RAP1B: variants seen among roughly 807,000 people sequenced by gnomAD.
RAP1B encodes ras-related protein Rap-1b.
In RAP1B, 1 loss-of-function variant was observed where a neutral mutation model predicts 27.5. The observed-to-expected ratio is 0.04, with a 90% CI of 0.01 to 0.17. The LOEUF (loss-of-function observed/expected upper bound fraction) is 0.17. Ranked by LOEUF, RAP1B falls within the 10% of genes least tolerant of loss-of-function variation. The probability of loss-of-function intolerance (pLI) is 1.00; values close to 1 mark genes in which losing one functional copy is unlikely to be tolerated. For missense variants in RAP1B, 84 were observed against 214.8 expected, an observed-to-expected ratio of 0.39 and a Z score of 3.81; for synonymous variants, 75 against 73.1, an observed-to-expected ratio of 1.03 and a Z score of -0.13.
intron 1 of RAP1B, among the ~76,000 whole-genome samples, chr12:68,625,549 C>T (rs760084484): frequency 2.0e-5 from 3 of 152,140 alleles, no homozygotes; most frequent in Non-Finnish European, 4.4e-5. Context: ...TATTCTGGTC[C>T]TTAAGTTTCA....
intron 1 of RAP1B, among the ~76,000 whole-genome samples, chr12:68,625,538 A>C (rs914277704): frequency 1.3e-5 from 2 of 152,174 alleles, no homozygotes; most frequent in Non-Finnish European, 2.9e-5. Flanking sequence ...TCCATTAGGA[A>C]TATTCTGGTC....
At chr12:68,619,820 T>G (rs1236530213) in intron 1 of RAP1B, among the ~76,000 whole-genome samples, 1 of 152,190 alleles carries the variant, frequency 6.6e-6, no homozygotes, top group Non-Finnish European at 1.5e-5. Flanking sequence ...TTTAACTTCT[T>G]TGTAGTCTTC....
intron 1 of RAP1B, among the ~76,000 whole-genome samples, chr12:68,617,505 T>C (rs1031156362): frequency 3.3e-5 from 5 of 152,246 alleles, no homozygotes; most frequent in African/African-American, 4.8e-5. Context: ...TTTGTATTTA[T>C]AAGATTGGCT....
chr12:68,627,584 C>T (rs1871898933), intron 1 of RAP1B, among the ~76,000 whole-genome samples: 1 of 152,076 alleles, frequency 6.6e-6, no homozygotes, highest in African/African-American at 2.4e-5. Flanking sequence ...TTTTGTTTTA[C>T]CCACTTTTCG....
At chr12:68,642,401 T>C (rs931748660) in intron 1 of RAP1B, 2 of 517,380 alleles carry the variant, frequency 3.9e-6, no homozygotes, top group African/African-American at 1.9e-5. Context: ...ATGAGAGATA[T>C]TGGCTAATTT....
intron 1 of RAP1B, among the ~76,000 whole-genome samples, chr12:68,613,458 C>T (rs964215628): frequency 6.6e-6 from 1 of 151,882 alleles, no homozygotes; most frequent in Admixed American, 6.6e-5. Context: ...TCCCCTCACC[C>T]ACGACCGCGT....
chr12:68,649,237 C>T (rs745915645), intron 2 of RAP1B: 7 of 156,024 alleles, frequency 4.5e-5, no homozygotes, highest in Non-Finnish European at 7.1e-5. Flanking sequence ...GTAGAGATGG[C>T]GTCTTGCTAT....
At chr12:68,642,170 A>G (rs907447197) in intron 1 of RAP1B, among the ~76,000 whole-genome samples, 2 of 152,240 alleles carry the variant, frequency 1.3e-5, no homozygotes, top group African/African-American at 4.8e-5. Flanking sequence ...TAACTCATAC[A>G]TAGGCATATT....
chr12:68,653,018 C>T (rs921179082), intron 4 of RAP1B, among the ~76,000 whole-genome samples: 2 of 152,030 alleles, frequency 1.3e-5, no homozygotes, highest in Admixed American at 1.3e-4. Flanking sequence ...CAAGACCAGC[C>T]TGGCTAACAT....
chr12:68,655,781 C>G (rs896036648), intron 5 of RAP1B, among the ~76,000 whole-genome samples: 1 of 152,184 alleles, frequency 6.6e-6, no homozygotes, highest in African/African-American at 2.4e-5. Context: ...GGTGATCCAC[C>G]CGCCTCGGCC....
At chr12:68,630,972 T>C (rs541248990) in intron 1 of RAP1B, among the ~76,000 whole-genome samples, 1 of 152,290 alleles carries the variant, frequency 6.6e-6, no homozygotes, top group South Asian at 2.1e-4. Context: ...GAAGTACTTT[T>C]TTGAGGGAAA....
chr12:68,654,074 CATT>C (rs770567734), intron 4 of RAP1B, 35 bp from the exon 5 acceptor site: 16 of 1,519,232 alleles, frequency 1.1e-5, no homozygotes, highest in South Asian at 6.9e-5. Flanking sequence ...ACTGTCAAAA[CATT>C]ATTGTTTTTT....
Position 68,650,380 on chromosome 12 carries a change from TTTC to T in RAP1B, c.58-17_58-15del, listed in dbSNP as rs1873731042. On this transcript the variant is annotated splice_polypyrimidine_tract_variant and intron_variant, in intron 2 of 7. Transcript: ENST00000250559. ...ACTCTTTTCTTTAGAAGTATAATGG[TTTC>T]TTAATTTTTTTTTCAGACTGTACAA... is the stretch of plus-strand genomic sequence containing the variant. The T allele has an allele frequency of 1.3e-6, 2 of 1,525,776 alleles. No homozygotes were observed. Among genetic ancestry groups the T allele is most frequent in the South Asian group, 1.2e-5 (1 of 80,968 alleles). 94.5% of individuals were successfully genotyped at this position (1,525,776 alleles called of 1,614,324 possible). A position where few individuals can be genotyped will look rare whatever the true frequency, so the allele number is the denominator to read the frequency against.
chr12:68,642,739 A>G (rs1256550413), intron 1 of RAP1B: 18 of 1,072,780 alleles, frequency 1.7e-5, no homozygotes, highest in East Asian at 2.4e-5. Flanking sequence ...CCTGCGCAGT[A>G]TATTTATCCT....
chr12:68,642,445 T>A, intron 1 of RAP1B: 4 of 706,368 alleles, frequency 5.7e-6, no homozygotes, highest in Non-Finnish European at 9.7e-6. Flanking sequence ...ATTGGTCTAC[T>A]GTATAATTAT....
chr12:68,647,381 CT>C (rs1481729703), intron 1 of RAP1B, among the ~76,000 whole-genome samples: 18 of 13,386 alleles, frequency 1.3e-3, no homozygotes, highest in Admixed American at 1.8e-3. Context: ...CCCCACTCCA[CT>C]CCCCGCCCCC....
chr12:68,648,945 G>T, intron 2 of RAP1B, 164 bp downstream of exon 2: 1 of 622,946 alleles, frequency 1.6e-6, no homozygotes, highest in Non-Finnish European at 2.7e-6. Flanking sequence ...ATTATATCTG[G>T]GTGGATCATA....
Position 68,663,168 on chromosome 12 carries a change from ATTC to A in RAP1B, c.*3924_*3926del, listed in dbSNP as rs1592476974. On this transcript the variant is annotated 3_prime_UTR_variant, in exon 8 of 8. Transcript: ENST00000250559. The stretch of plus-strand genomic sequence containing the variant: ...AACCTCTGCCTCCCAGGTTCAAGCA[ATTC>A]TTCTGCCTCAGCCTCCTGAATAGCT... 2.6e-5 allele frequency: 4 copies of A among 151,848 alleles called. No individual in the cohort carries two copies. The highest frequency in any genetic ancestry group is 4.8e-5 in the African/African-American group (2 of 41,242). 9.4% of individuals were successfully genotyped at this position (151,848 alleles called of 1,614,324 possible). A position where few individuals can be genotyped will look rare whatever the true frequency, so the allele number is the denominator to read the frequency against.
chr12:68,622,602 C>T (rs1442182883), intron 1 of RAP1B, among the ~76,000 whole-genome samples: 1 of 152,144 alleles, frequency 6.6e-6, no homozygotes, highest in East Asian at 1.9e-4. Context: ...TTCCTGATCA[C>T]CTTATATAAA....
Sources: allele counts gnomAD v4.1 joint callset (sites outside exome capture counted in the v4.1 genomes callset), GRCh38; gene constraint gnomAD v4.1.1; transcripts MANE v1.5; gene names NCBI Gene and HGNC (gene_info 2026-07-23, HGNC 2026-07-21).